SORL1: variants seen among roughly 807,000 people sequenced by gnomAD.
SORL1 encodes the protein sortilin related receptor 1, also known as sortilin-related receptor.
Under a neutral mutation model 273.7 loss-of-function variants are expected in SORL1, and 127 were observed. The observed-to-expected ratio is 0.46, with a 90% CI of 0.40 to 0.54. The LOEUF (loss-of-function observed/expected upper bound fraction) is 0.54. Among genes scored for constraint, SORL1 ranks in the 20% least tolerant of loss-of-function variants. The probability of loss-of-function intolerance (pLI) is 0.00; values close to 1 mark genes in which losing one functional copy is unlikely to be tolerated. For synonymous variants in SORL1, 1,031 were observed against 1,067.4 expected (o/e 0.97, Z 0.66); for missense variants, 2,494 against 2,846.1 (o/e 0.88, Z 2.81).
intron 2 of SORL1, among the ~76,000 whole-genome samples, chr11:121,472,034 ACT>A (rs1861178296): frequency 6.6e-6 from 1 of 152,182 alleles, no homozygotes; most frequent in South Asian, 2.1e-4. Context: ...AGCCCCAGCT[ACT>A]CAGCAGGCTA....
At position 121,583,496 on chromosome 11, in the gene SORL1, C is replaced by T. The variant is rs774626685; in HGVS notation, c.3619C>T (p.Arg1207Ter). Residue 1207 changes from arginine to a stop codon, truncating the protein, a stop_gained, in exon 26 of 48, where the codon CGA (arginine) becomes TGA (stop). Coordinates refer to ENST00000260197, the MANE Select transcript of SORL1 (RefSeq NM_003105.6). LOFTEE classifies it high-confidence loss of function. ...CTGTGAGGCCTCCAACTTCCAGTGC[C>T]GAAACGGGCACTGCATCCCCCAGCG... Reference protein sequence around the residue: ...HTCEASNFQCRNGHCIPQRWA... With the variant: ...HTCEASNFQC The T allele has an allele frequency of 5.6e-6, 9 of 1,612,974 alleles. No homozygotes were observed. Among genetic ancestry groups the T allele is most frequent in the Admixed American group, 1.7e-5 (1 of 59,878 alleles).
intron 6 of SORL1, among the ~76,000 whole-genome samples, chr11:121,512,097 CT>C (rs1386697699): frequency 6.6e-6 from 1 of 152,096 alleles, no homozygotes; most frequent in African/African-American, 2.4e-5. Context: ...AGTTCTTATC[CT>C]TTTTTGAGTG....
intron 1 of SORL1, among the ~76,000 whole-genome samples, chr11:121,456,525 G>A (rs1327793617): frequency 5.3e-5 from 8 of 152,194 alleles, no homozygotes; most frequent in Admixed American, 2.6e-4. Context: ...TGGCTCATTC[G>A]GTAGTGAGGA....
chr11:121,595,773 G>A lies in SORL1; in HGVS notation c.4519+1G>A, dbSNP rs1192080100. The stretch of plus-strand genomic sequence containing the variant: ...GATGGCCGGGACGAGGCCAATTGCC[G>A]TGAGTAGTCAGAGAGCCCTTCACCC... On this transcript the variant is annotated splice_donor_variant, in intron 32 of 47. Coordinates refer to ENST00000260197, the MANE Select transcript of SORL1 (RefSeq NM_003105.6). LOFTEE classifies it high-confidence loss of function. This position sits in a 1 kb window ranked among gnomAD's most constrained non-coding sequence, Gnocchi z 5.1. 1.2e-6 allele frequency: 2 copies of A among 1,611,672 alleles called. No homozygotes were observed. The highest frequency in any genetic ancestry group is 1.7e-6 in the Non-Finnish European group (2 of 1,179,932).
chr11:121,545,488 G>T, intron 14 of SORL1, 59 bp downstream of exon 14: 2 of 1,520,534 alleles, frequency 1.3e-6, no homozygotes, highest in Non-Finnish European at 1.8e-6. Flanking sequence ...AGCAGTGTTG[G>T]GGGAAGAGAT....
chr11:121,464,050 A>G (rs1861045228), intron 1 of SORL1, among the ~76,000 whole-genome samples: 1 of 152,162 alleles, frequency 6.6e-6, no homozygotes, highest in Non-Finnish European at 1.5e-5. Flanking sequence ...GTTTTATGCT[A>G]TATTGTAGAA....
chr11:121,474,190 C>G (rs1328787677), intron 2 of SORL1, among the ~76,000 whole-genome samples: 4 of 152,166 alleles, frequency 2.6e-5, no homozygotes, highest in African/African-American at 9.7e-5. Context: ...CTTGTTAAAC[C>G]TTGCTACCCA....
intron 12 of SORL1, among the ~76,000 whole-genome samples, chr11:121,534,138 T>C (rs1238562565): frequency 6.6e-6 from 1 of 152,246 alleles, no homozygotes; most frequent in Non-Finnish European, 1.5e-5. Context: ...TATACTGCTA[T>C]GTGTGTAATA....
intron 28 of SORL1, among the ~76,000 whole-genome samples, chr11:121,588,405 G>A (rs1460391646): frequency 6.6e-6 from 1 of 152,094 alleles, no homozygotes; most frequent in African/African-American, 2.4e-5. Flanking sequence ...TATGTATAAG[G>A]GGCAGGATGG....
intron 1 of SORL1, among the ~76,000 whole-genome samples, chr11:121,454,489 G>A (rs1860868517): frequency 1.3e-5 from 2 of 152,198 alleles, no homozygotes; most frequent in African/African-American, 2.4e-5. Context: ...CTGGGCTTTT[G>A]AGTTTCTGGG....
intron 8 of SORL1, among the ~76,000 whole-genome samples, chr11:121,519,480 C>T (rs1344038165): frequency 4.6e-5 from 7 of 151,758 alleles, no homozygotes; most frequent in Non-Finnish European, 1.0e-4. Context: ...GGCGCGATCT[C>T]GGCTCACTGC....
intron 5 of SORL1, among the ~76,000 whole-genome samples, chr11:121,490,487 C>T (rs919416275): frequency 3.3e-5 from 5 of 152,064 alleles, no homozygotes; most frequent in Admixed American, 2.0e-4. Flanking sequence ...CGCCTGTAAT[C>T]CCAGCACTTT....
chr11:121,535,512 CAGAG>C lies in SORL1; in HGVS notation c.1685+2967_1685+2970del, dbSNP rs1214279624. Reference sequence around the variant, plus strand: ...CTCTGTGATGTTTCTGAGCCAGATGCAGAGAGAGAGGCTGGGAGGAGGGGGTTGT... The same window carrying C: ...CTCTGTGATGTTTCTGAGCCAGATGCAGAGAGGCTGGGAGGAGGGGGTTGT... On this transcript the variant is annotated intron_variant, in intron 12 of 47. Coordinates refer to ENST00000260197, the MANE Select transcript of SORL1 (RefSeq NM_003105.6). Among the ~76,000 whole-genome samples the C allele has an allele frequency of 3.3e-5, 5 of 152,190 alleles. No individual in the cohort carries two copies. The South Asian group carries it at 6.2e-4, about 19-fold the overall frequency.
At chr11:121,484,589 G>A (rs760268918) in intron 3 of SORL1, among the ~76,000 whole-genome samples, 18 of 152,122 alleles carry the variant, frequency 1.2e-4, no homozygotes, top group African/African-American at 2.4e-4. Context: ...GACTTGGGAC[G>A]TGGGGAGGGA....
At chr11:121,539,787 T>A (rs1416460663) in intron 12 of SORL1, among the ~76,000 whole-genome samples, 1 of 152,218 alleles carries the variant, frequency 6.6e-6, no homozygotes, top group Non-Finnish European at 1.5e-5. Flanking sequence ...GGTGATGGTT[T>A]TCATAAATGA....
At chr11:121,488,317 C>G in intron 4 of SORL1, 124 bp downstream of exon 4, 1 of 949,312 alleles carries the variant, frequency 1.1e-6, no homozygotes. Context: ...TTGGGCCTAG[C>G]CTTTGTAGCT....
chr11:121,510,008 A>C (rs1312262002), intron 6 of SORL1, among the ~76,000 whole-genome samples: 1 of 152,210 alleles, frequency 6.6e-6, no homozygotes, highest in Non-Finnish European at 1.5e-5. Flanking sequence ...ACTGCATCCT[A>C]CCAATGGTAT....
At chr11:121,491,955 T>C (rs1177844829) in intron 5 of SORL1, among the ~76,000 whole-genome samples, 1 of 152,246 alleles carries the variant, frequency 6.6e-6, no homozygotes, top group Non-Finnish European at 1.5e-5. Flanking sequence ...CCTAAAATGC[T>C]GTTACCAAAG....
intron 39 of SORL1, chr11:121,612,485 T>A (rs146033131): frequency 3.0e-6 from 1 of 329,166 alleles, no homozygotes; most frequent in African/African-American, 2.1e-5. Flanking sequence ...TCATTCACTT[T>A]TTTGTTTCAT....
Sources: allele counts gnomAD v4.1 joint callset (sites outside exome capture counted in the v4.1 genomes callset), GRCh38; gene constraint gnomAD v4.1.1; non-coding constraint Gnocchi (gnomAD v3.1); transcripts MANE v1.5; gene names NCBI Gene and HGNC (gene_info 2026-07-23, HGNC 2026-07-21).